Variants in SMC1B observed in about 807,000 individuals in gnomAD.
SMC1B encodes structural maintenance of chromosomes 1B, also known as structural maintenance of chromosomes protein 1B.
Under a neutral mutation model 157.9 loss-of-function variants are expected in SMC1B, and 60 were observed. The observed-to-expected ratio is 0.38, with a 90% CI of 0.31 to 0.47. The LOEUF is 0.47. Ranked by LOEUF, SMC1B falls within the 20% of genes least tolerant of loss-of-function variation. The probability of loss-of-function intolerance (pLI) is 0.99; values close to 1 mark genes in which losing one functional copy is unlikely to be tolerated. For missense variants in SMC1B, 1,165 were observed against 1,426.2 expected (o/e 0.82, Z 2.95); for synonymous variants, 445 against 483.0 (o/e 0.92, Z 1.03).
In SMC1B at chr22:45,396,491, A is replaced by G. The variant is rs750625796; in HGVS notation, c.1114-5T>C. On this transcript the variant is annotated splice_region_variant and splice_polypyrimidine_tract_variant and intron_variant, in intron 6 of 24. Transcript: ENST00000357450. ...AAGTTCTTTATAACGATCCAGCTGC[A>G]TAAACAGTATTGAAAAATTGCTAAT... is the stretch of plus-strand genomic sequence containing the variant. 6.2e-7 allele frequency: 1 copy of G among 1,602,682 alleles called. No homozygotes were observed. Among genetic ancestry groups the G allele is most frequent in the Non-Finnish European group, 8.5e-7 (1 of 1,175,808 alleles).
Position 45,359,725 on chromosome 22 carries a change from A to G in SMC1B, c.2862+80T>C, listed in dbSNP as rs1160034372. On this transcript the variant is annotated intron_variant, in intron 18 of 24. Coordinates refer to ENST00000357450, the MANE Select transcript of SMC1B (RefSeq NM_148674.5). ...TTCACCACCCCTAAAGGGGCTACAG[A>G]ACAAGAGAAAGAATAAGCAAAGGGC... 3.6e-5 allele frequency: 53 copies of G among 1,473,440 alleles called. 1 individual carries two copies. The highest frequency in any genetic ancestry group is 4.7e-5 in the Non-Finnish European group (51 of 1,078,688). 91.3% of individuals were successfully genotyped at this position (1,473,440 alleles called of 1,614,324 possible).
intron 6 of SMC1B, 135 bp from the exon 7 acceptor site, chr22:45,396,621 C>T: frequency 1.9e-6 from 1 of 519,202 alleles, no homozygotes; most frequent in Non-Finnish European, 3.0e-6. Flanking sequence ...TCATAATCGA[C>T]CACCTTCCCC....
Position 45,393,628 on chromosome 22 carries a change from C to T in SMC1B, c.1545+6G>A, listed in dbSNP as rs760119611. ...TTTGTTTAAATTAACTATTCATTCT[C>T]ATTACCACAGAATCTGGGTACAGTC... On this transcript the variant is annotated splice_donor_region_variant and intron_variant, in intron 9 of 24. Coordinates refer to ENST00000357450, the MANE Select transcript of SMC1B (RefSeq NM_148674.5). The T allele has an allele frequency of 2.5e-6, 4 of 1,600,384 alleles. No homozygotes were observed. Among genetic ancestry groups the T allele is most frequent in the Non-Finnish European group, 3.4e-6 (4 of 1,174,854 alleles).
At chr22:45,352,384 T>G (rs2086623944) in intron 22 of SMC1B, 67 bp downstream of exon 22, 2 of 1,416,204 alleles carry the variant, frequency 1.4e-6, no homozygotes, top group Non-Finnish European at 1.9e-6. Context: ...AGTTAATATA[T>G]CTTCTGTAGG....
At chr22:45,406,051 C>G (rs1054569675) in intron 4 of SMC1B, among the ~76,000 whole-genome samples, 1 of 152,106 alleles carries the variant, frequency 6.6e-6, no homozygotes, top group South Asian at 2.1e-4. Flanking sequence ...TTACAGGGAT[C>G]ATTAAAATAT....
intron 18 of SMC1B, among the ~76,000 whole-genome samples, chr22:45,359,186 A>C (rs1159451549): frequency 1.3e-5 from 2 of 152,230 alleles, no homozygotes; most frequent in Non-Finnish European, 2.9e-5. Flanking sequence ...TTTAGATAAG[A>C]GATTTCAGCA....
At chr22:45,392,201 G>A (rs993567572) in intron 9 of SMC1B, among the ~76,000 whole-genome samples, 2 of 151,882 alleles carry the variant, frequency 1.3e-5, no homozygotes, top group African/African-American at 2.4e-5. Flanking sequence ...CATCCACTTC[G>A]GCCTCCCAAA....
chr22:45,413,083 A>G (rs1464475195), intron 1 of SMC1B, among the ~76,000 whole-genome samples: 8 of 151,014 alleles, frequency 5.3e-5, no homozygotes, highest in Admixed American at 5.3e-4. Context: ...GGAGCCCCTG[A>G]GATGAAGGGC....
At chr22:45,354,168 ACT>A (rs2086647037) in intron 20 of SMC1B, 36 bp from the exon 21 acceptor site, 1 of 1,457,766 alleles carries the variant, frequency 6.9e-7, no homozygotes, top group Non-Finnish European at 9.1e-7. Flanking sequence ...TTTAGAGACC[ACT>A]GAGGAGGTTC....
chr22:45,393,845 C>A lies in SMC1B; in HGVS notation c.1338-4G>T. 1 of 1,598,072 alleles carries A rather than the reference C, an allele frequency of 6.3e-7. No homozygotes were observed. On this transcript the variant is annotated splice_region_variant and splice_polypyrimidine_tract_variant and intron_variant, in intron 8 of 24. Transcript: ENST00000357450. ...TTTTTTCTCTTTCAAGCAATCCCTA[C>A]AAAATAACAACAAATTATACAGCAA...
Position 45,353,971 on chromosome 22 carries a change from T to G in SMC1B, c.3273+7A>C. ...CTCACTAGTATTTGAGGATGAAAGA[T>G]ACATACTTGGGCGCTGTTGTTTCTG... On this transcript the variant is annotated splice_region_variant and intron_variant, in intron 21 of 24. Coordinates refer to ENST00000357450, the MANE Select transcript of SMC1B (RefSeq NM_148674.5). 1.3e-6 allele frequency: 2 copies of G among 1,512,490 alleles called. No homozygotes were observed. The highest frequency in any genetic ancestry group is 1.8e-4 in the Middle Eastern group (1 of 5,590). The allele number at this position is 1,512,490 out of a possible 1,614,324, so 93.7% of individuals were successfully genotyped here.
chr22:45,361,437 AC>A (rs1214644921), intron 17 of SMC1B, among the ~76,000 whole-genome samples: 1 of 149,586 alleles, frequency 6.7e-6, no homozygotes, highest in Non-Finnish European at 1.5e-5. Flanking sequence ...ACATGGTAAA[AC>A]CCTGTCTCTA....
chr22:45,358,854 G>C, intron 18 of SMC1B, 59 bp from the exon 19 acceptor site: 1 of 1,162,794 alleles, frequency 8.6e-7, no homozygotes, highest in Non-Finnish European at 1.3e-6. Context: ...ATATGGGAGT[G>C]GTTCATGGCA....
At chr22:45,387,191 T>G in intron 10 of SMC1B, 145 bp from the exon 11 acceptor site, 2 of 674,522 alleles carry the variant, frequency 3.0e-6, no homozygotes, top group Admixed American at 6.1e-5. Flanking sequence ...CTCACGCCTG[T>G]AATCCCAGAA....
intron 22 of SMC1B, among the ~76,000 whole-genome samples, chr22:45,350,799 C>T (rs2086607805): frequency 6.6e-6 from 1 of 152,186 alleles, no homozygotes. Context: ...TTCCTTCACA[C>T]CCGTACCTGT....
chr22:45,398,112 C>A (rs1370048308), intron 6 of SMC1B, among the ~76,000 whole-genome samples: 3 of 152,164 alleles, frequency 2.0e-5, no homozygotes, highest in Non-Finnish European at 4.4e-5. Context: ...TGCCTTCGGA[C>A]GTGCATCCTT....
chr22:45,407,976 C>G (rs544726877), intron 2 of SMC1B, among the ~76,000 whole-genome samples: 1 of 152,136 alleles, frequency 6.6e-6, no homozygotes, highest in Non-Finnish European at 1.5e-5. Context: ...ACATTTCACT[C>G]AAGTTGCTTT....
intron 10 of SMC1B, among the ~76,000 whole-genome samples, chr22:45,387,788 T>C (rs544077242): frequency 1.3e-5 from 2 of 152,218 alleles, no homozygotes; most frequent in African/African-American, 2.4e-5. Context: ...TCCCAGCACT[T>C]TGGGAGGCTG....
intron 15 of SMC1B, among the ~76,000 whole-genome samples, chr22:45,364,611 C>T (rs1387108621): frequency 1.3e-5 from 2 of 152,178 alleles, no homozygotes; most frequent in African/African-American, 4.8e-5. Flanking sequence ...AGAATCCCTG[C>T]TCTTAATCCG....
Sources: allele counts gnomAD v4.1 joint callset (sites outside exome capture counted in the v4.1 genomes callset), GRCh38; gene constraint gnomAD v4.1.1; transcripts MANE v1.5; gene names NCBI Gene and HGNC (gene_info 2026-07-23, HGNC 2026-07-21).